ERCC6L2: variants seen among roughly 807,000 people sequenced by gnomAD.
The protein encoded by ERCC6L2 is ERCC excision repair 6 like 2.
In ERCC6L2, 77 loss-of-function variants were observed where a neutral mutation model predicts 132.0. The observed-to-expected ratio is 0.58, with a 90% CI of 0.49 to 0.71. ERCC6L2 has a LOEUF of 0.71. Among genes scored for constraint, ERCC6L2 ranks in the 30% least tolerant of loss-of-function variants. ERCC6L2 has a pLI of 0.00. For missense variants in ERCC6L2, 1,542 were observed against 1,837.6 expected, an observed-to-expected ratio of 0.84 and a Z score of 2.94; for synonymous variants, 583 against 632.4, an observed-to-expected ratio of 0.92 and a Z score of 1.17.
intron 19 of ERCC6L2, among the ~76,000 whole-genome samples, chr9:96,030,332 C>G (rs1270693115): frequency 6.6e-6 from 1 of 152,140 alleles, no homozygotes; most frequent in African/African-American, 2.4e-5. Flanking sequence ...CGCTCGGGTT[C>G]CCTTCCATGC....
chr9:95,926,963 A>G (rs1830127615), intron 9 of ERCC6L2, among the ~76,000 whole-genome samples: 1 of 151,704 alleles, frequency 6.6e-6, no homozygotes, highest in Non-Finnish European at 1.5e-5. Context: ...CAGTTCTGTA[A>G]AACAGAAAAA....
Position 95,972,503 on chromosome 9 carries a change from A to G in ERCC6L2, c.2752A>G (p.Ser918Gly). The change falls in exon 16 of 19, where the codon AGT becomes GGT. Residue 918 changes from serine (S) to glycine (G), a missense_variant. By Grantham distance (56) the Ser-to-Gly change is moderately conservative. Coordinates refer to ENST00000653738, the MANE Select transcript of ERCC6L2 (RefSeq NM_020207.7). Reference sequence around the variant, plus strand: ...CACAACTGAGAGATTCCCCGACAATAGTATAAGGTTTAAGCCACCCTTGGA... The same window carrying G: ...CACAACTGAGAGATTCCCCGACAATGGTATAAGGTTTAAGCCACCCTTGGA... The part of the protein sequence containing the change: ...QYTTERFPDN[S>G]IRFKPPLEGS... 3 of 1,289,968 alleles carry G rather than the reference A, an allele frequency of 2.3e-6. No individual in the cohort carries two copies. The highest frequency in any genetic ancestry group is 3.0e-6 in the Non-Finnish European group (3 of 988,876). The allele number at this position is 1,289,968 out of a possible 1,614,324, so 79.9% of individuals were successfully genotyped here. A position where few individuals can be genotyped will look rare whatever the true frequency, so the allele number is the denominator to read the frequency against.
rs185543694 is a variant in ERCC6L2, at chr9:96,018,287, C to T, written c.*5084C>T. 3.7e-4 allele frequency among the ~76,000 whole-genome samples: 56 copies of T among 152,308 alleles called. No individual in the cohort carries two copies. The highest frequency in any genetic ancestry group is 1.3e-3 in the African/African-American group (55 of 41,564). On this transcript the variant is annotated 3_prime_UTR_variant, in exon 19 of 19. Transcript: ENST00000653738. The stretch of plus-strand genomic sequence containing the variant: ...GGAAAAAAAGTAAGACCAAAAGCAA[C>T]ACCTCTCCAGAATGTGTGTTATATA...
chr9:95,973,171 T>C, intron 16 of ERCC6L2, 83 bp downstream of exon 16: 1 of 947,054 alleles, frequency 1.1e-6, no homozygotes, highest in Non-Finnish European at 1.4e-6. Context: ...AATTAACTTG[T>C]AAAACAGCCC....
At chr9:95,899,650 G>C (rs977403385) in intron 3 of ERCC6L2, among the ~76,000 whole-genome samples, 6 of 144,832 alleles carry the variant, frequency 4.1e-5, no homozygotes, top group Non-Finnish European at 7.5e-5. Context: ...ATGCATATGC[G>C]ATGTATCATA....
At chr9:96,008,045 GC>G (rs1382268263) in intron 18 of ERCC6L2, among the ~76,000 whole-genome samples, 1 of 152,120 alleles carries the variant, frequency 6.6e-6, no homozygotes, top group Non-Finnish European at 1.5e-5. Flanking sequence ...CTTCCACACT[GC>G]CACACAGTGT....
At chr9:95,891,665 A>T (rs376350154) in intron 2 of ERCC6L2, among the ~76,000 whole-genome samples, 1 of 151,552 alleles carries the variant, frequency 6.6e-6, no homozygotes, top group East Asian at 1.9e-4. Context: ...CCTACCAACA[A>T]TTGTCCAGGT....
At chr9:96,037,846 GAA>G (rs1402664948) in intron 19 of ERCC6L2, among the ~76,000 whole-genome samples, 1 of 151,828 alleles carries the variant, frequency 6.6e-6, no homozygotes, top group East Asian at 1.9e-4. Context: ...TGGAGAGAGA[GAA>G]AGTATCAAAA....
At chr9:95,945,085 A>G (rs1830990732) in intron 12 of ERCC6L2, among the ~76,000 whole-genome samples, 1 of 152,154 alleles carries the variant, frequency 6.6e-6, no homozygotes, top group Non-Finnish European at 1.5e-5. Flanking sequence ...CCTCGTCCTA[A>G]TAAGCCTGGG....
At position 95,935,415 on chromosome 9, in the gene ERCC6L2, C is replaced by G. The variant is rs1392898104; in HGVS notation, c.1752-6039C>G. Among the ~76,000 whole-genome samples the G allele has an allele frequency of 2.0e-5, 3 of 152,064 alleles. No individual in the cohort carries two copies. The East Asian group carries it at 5.8e-4, about 29-fold the overall frequency. ...ACTCATGAGTTATTTTAACGAAGCT[C>G]AGTTTAACAGAGTGTAAGTATCCAC... On this transcript the variant is annotated intron_variant, in intron 11 of 18. Coordinates refer to ENST00000653738, the MANE Select transcript of ERCC6L2 (RefSeq NM_020207.7).
At chr9:95,928,454 A>G (rs927970441) in intron 10 of ERCC6L2, among the ~76,000 whole-genome samples, 2 of 152,182 alleles carry the variant, frequency 1.3e-5, no homozygotes, top group Admixed American at 1.3e-4. Context: ...ATTTATGTAA[A>G]TGATTTGACC....
intron 6 of ERCC6L2, among the ~76,000 whole-genome samples, chr9:95,920,516 A>G (rs1479839578): frequency 5.3e-5 from 8 of 152,150 alleles, no homozygotes; most frequent in Admixed American, 5.2e-4. Flanking sequence ...GTTTTTGGGA[A>G]GTCAGAAGTT....
intron 17 of ERCC6L2, among the ~76,000 whole-genome samples, chr9:95,979,276 T>C (rs2133112069): frequency 6.6e-6 from 1 of 152,300 alleles, no homozygotes; most frequent in African/African-American, 2.4e-5. Context: ...CTGGCATTAA[T>C]GTCTGGAAGC....
chr9:95,972,826 A>G lies in ERCC6L2; in HGVS notation c.3075A>G (p.Gln1025=), dbSNP rs1202181909. Residue 1025 remains glutamine, a synonymous_variant, in exon 16 of 19, where the codon CAA becomes CAG. Coordinates refer to ENST00000653738, the MANE Select transcript of ERCC6L2 (RefSeq NM_020207.7). The part of the protein sequence containing the change: ...NSPKTMNKTN[Q]VYAANEDHNS... ...CCAAAACAATGAACAAAACAAACCA[A>G]GTGTATGCAGCAAATGAGGATCATA... The G allele has an allele frequency of 7.7e-7, 1 of 1,304,936 alleles. No homozygotes were observed. The highest frequency in any genetic ancestry group is 1.0e-6 in the Non-Finnish European group (1 of 988,934). 80.8% of individuals were successfully genotyped at this position (1,304,936 alleles called of 1,614,324 possible).
chr9:95,881,933 G>T (rs963797946), intron 2 of ERCC6L2, among the ~76,000 whole-genome samples: 17 of 152,260 alleles, frequency 1.1e-4, no homozygotes, highest in African/African-American at 3.9e-4. Flanking sequence ...TGGGAATCCA[G>T]CTGCCGCCTA....
chr9:95,922,952 CATA>C (rs1246965631), intron 8 of ERCC6L2, among the ~76,000 whole-genome samples: 1 of 152,046 alleles, frequency 6.6e-6, no homozygotes, highest in Non-Finnish European at 1.5e-5. Flanking sequence ...TTTGAAATCT[CATA>C]AGAATTTGAT....
rs568864912 is a variant in ERCC6L2 at position 96,025,688 on chromosome 9, T to C, written c.*1504-13188T>C. 7 of 152,344 alleles carry C rather than the reference T, an allele frequency of 4.6e-5. No individual in the cohort carries two copies. In the South Asian group the frequency reaches 1.2e-3, roughly 27 times the overall value. The allele number at this position is 152,344 out of a possible 1,614,324, so 9.4% of individuals were successfully genotyped here. ...TTCTGTTGAAATGCAGTATTAATCA[T>C]TGTTGAACTTTTTCATTTTGTTTGC... is the stretch of plus-strand genomic sequence containing the variant. On this transcript the variant is annotated intron_variant and NMD_transcript_variant, in intron 19 of 20. Coordinates refer to the ERCC6L2 transcript ENST00000670016.
chr9:95,940,353 A>G (rs1029787468), intron 11 of ERCC6L2, among the ~76,000 whole-genome samples: 2 of 152,044 alleles, frequency 1.3e-5, no homozygotes, highest in Admixed American at 1.3e-4. Context: ...ATATATATAT[A>G]TTTTTATAGT....
chr9:95,907,429 T>C (rs1411081166), intron 4 of ERCC6L2, among the ~76,000 whole-genome samples, 158 bp downstream of exon 4: 2 of 148,936 alleles, frequency 1.3e-5, no homozygotes, highest in African/African-American at 4.9e-5. Flanking sequence ...GGTCTCGAAC[T>C]CCTGAGCTCA....
Sources: gnomAD v4.1 joint callset for allele counts (sites outside exome capture counted in the v4.1 genomes callset) on GRCh38, gnomAD v4.1.1 for gene constraint, MANE v1.5 for transcripts, NCBI Gene and HGNC (gene_info 2026-07-23, HGNC 2026-07-21) for gene names.